The following APP variants were observed in gnomAD, a reference collection of about 807,000 sequenced individuals.
APP encodes the protein amyloid-beta precursor protein.
APP carries 31 observed loss-of-function variants against 101.4 expected under a neutral mutation model. The ratio of observed to expected loss-of-function variants is 0.31; its 90% CI spans 0.23 to 0.41. The LOEUF (loss-of-function observed/expected upper bound fraction) is 0.41, where lower values mean the gene tolerates loss of function less well. Among genes scored for constraint, APP ranks in the 10% least tolerant of loss-of-function variants. The pLI is 1.00. For synonymous variants in APP, 366 were observed against 364.4 expected, an observed-to-expected ratio of 1.00 and a Z score of -0.05; for missense variants, 839 against 1,003.7, an observed-to-expected ratio of 0.84 and a Z score of 2.22.
chr21:26,117,421 A>G (rs2062459168), intron 1 of APP, among the ~76,000 whole-genome samples: 1 of 152,246 alleles, frequency 6.6e-6, no homozygotes, highest in Non-Finnish European at 1.5e-5. Flanking sequence ...AAATGCCAAA[A>G]AAGTATTTCC....
At chr21:26,152,778 A>T (rs1282481945) in intron 1 of APP, among the ~76,000 whole-genome samples, 1 of 152,202 alleles carries the variant, frequency 6.6e-6, no homozygotes, top group Admixed American at 6.5e-5. Flanking sequence ...TTGATCCAGC[A>T]ATCTTAATAC....
At chr21:26,151,132 A>G (rs2063260698) in intron 1 of APP, among the ~76,000 whole-genome samples, 1 of 152,196 alleles carries the variant, frequency 6.6e-6, no homozygotes, top group Non-Finnish European at 1.5e-5. Context: ...AAAGATTCTT[A>G]TATCTTTGGA....
intron 16 of APP, among the ~76,000 whole-genome samples, chr21:25,896,466 CTT>C (rs1216016222): frequency 2.0e-5 from 3 of 151,924 alleles, no homozygotes; most frequent in Non-Finnish European, 2.9e-5. Flanking sequence ...CCTGAGATAA[CTT>C]TAAGTATTAT....
At chr21:26,023,373 T>TAAAAAA (rs35579863) in intron 5 of APP, among the ~76,000 whole-genome samples, 36 of 109,798 alleles carry the variant, frequency 3.3e-4, no homozygotes, top group African/African-American at 1.2e-3. Flanking sequence ...CCAAAAAAAT[T>TAAAAAA]AAAAAAAAAA....
chr21:25,979,263 T>TA (rs1333703109), intron 9 of APP, among the ~76,000 whole-genome samples: 1 of 152,198 alleles, frequency 6.6e-6, no homozygotes, highest in African/African-American at 2.4e-5. Flanking sequence ...AAACTTAATT[T>TA]AAAAAACCGC....
chr21:26,135,140 A>G (rs1293400534), intron 1 of APP, among the ~76,000 whole-genome samples: 2 of 152,216 alleles, frequency 1.3e-5, no homozygotes, highest in Non-Finnish European at 1.5e-5. Context: ...CCTTCTTACA[A>G]TTATGCTCTG....
intron 14 of APP, among the ~76,000 whole-genome samples, chr21:25,908,227 G>A (rs1879634679): frequency 1.3e-5 from 2 of 152,178 alleles, no homozygotes; most frequent in Admixed American, 1.3e-4. Context: ...ATTCATTTAG[G>A]TTTTGTGGAT....
At chr21:26,020,165 G>C (rs143141263) in intron 6 of APP, among the ~76,000 whole-genome samples, 210 of 152,256 alleles carry the variant, frequency 1.4e-3, no homozygotes, top group African/African-American at 5.0e-3. Context: ...TGTGTTAAGT[G>C]AAAGAAGTCG....
rs1297242018 is a variant in APP at position 26,021,570 on chromosome 21, C to G, written c.865+270G>C. The stretch of plus-strand genomic sequence containing the variant: ...CAGTGTTTGTCAAATTAGATGACTA[C>G]CTGGTTGGGCGGAGTCTTGTAGAAT... On this transcript the variant is annotated intron_variant, in intron 6 of 17. Coordinates refer to ENST00000346798, the MANE Select transcript of APP (RefSeq NM_000484.4). Among the ~76,000 whole-genome samples, 7 of 152,110 alleles carry G rather than the reference C, an allele frequency of 4.6e-5. No individual in the cohort carries two copies. The East Asian group carries it at 5.8e-4, about 13-fold the overall frequency.
At chr21:26,009,125 T>C (rs929945172) in intron 6 of APP, among the ~76,000 whole-genome samples, 2 of 152,202 alleles carry the variant, frequency 1.3e-5, no homozygotes, top group Admixed American at 1.3e-4. Context: ...TGTCAAAACG[T>C]GAGACATAAG....
At chr21:26,064,065 A>G (rs2046368605) in intron 3 of APP, among the ~76,000 whole-genome samples, 1 of 152,214 alleles carries the variant, frequency 6.6e-6, no homozygotes, top group African/African-American at 2.4e-5. Flanking sequence ...CCTACAAATT[A>G]TCTGACCAAT....
chr21:26,055,856 CGACCTT>C (rs149064454), intron 3 of APP, among the ~76,000 whole-genome samples: 7,416 of 152,218 alleles, frequency 0.049, 248 homozygotes, highest in South Asian at 0.094. Flanking sequence ...CAGATACACT[CGACCTT>C]GGCCTGCAAG....
chr21:26,100,764 T>C (rs2062037341), intron 2 of APP, among the ~76,000 whole-genome samples: 1 of 152,166 alleles, frequency 6.6e-6, no homozygotes. Context: ...CAACTGTTCA[T>C]TTAAAGCCAG....
chr21:25,942,565 C>T (rs1260561998), intron 13 of APP: 2 of 152,078 alleles, frequency 1.3e-5, no homozygotes, highest in African/African-American at 4.8e-5. Flanking sequence ...CCAAAGTCTC[C>T]CCAAGCAAAT....
At chr21:25,901,027 A>AGT (rs1174255594) in intron 15 of APP, among the ~76,000 whole-genome samples, 1 of 90,540 alleles carries the variant, frequency 1.1e-5, no homozygotes, top group African/African-American at 5.8e-5. Context: ...GGCCAGGTGC[A>AGT]GTGACTCATG....
At chr21:26,145,776 T>C (rs1181567615) in intron 1 of APP, among the ~76,000 whole-genome samples, 1 of 152,216 alleles carries the variant, frequency 6.6e-6, no homozygotes, top group Non-Finnish European at 1.5e-5. Flanking sequence ...CTGTTTTTTA[T>C]ATAAATTACT....
intron 1 of APP, among the ~76,000 whole-genome samples, chr21:26,120,123 C>A (rs2062533406): frequency 6.6e-6 from 1 of 152,152 alleles, no homozygotes; most frequent in African/African-American, 2.4e-5. Flanking sequence ...GGTTATTGTT[C>A]TAAGCCACTA....
At chr21:26,069,417 T>A (rs2046587473) in intron 3 of APP, among the ~76,000 whole-genome samples, 1 of 152,144 alleles carries the variant, frequency 6.6e-6, no homozygotes, top group Non-Finnish European at 1.5e-5. Flanking sequence ...TTCATCATGA[T>A]CCTGAGGTCC....
intron 11 of APP, among the ~76,000 whole-genome samples, chr21:25,961,653 A>G (rs2041585596): frequency 1.3e-5 from 2 of 152,186 alleles, no homozygotes; most frequent in African/African-American, 4.8e-5. Flanking sequence ...CTGATTGTCT[A>G]GTGAGGTTTA....
Sources: gnomAD v4.1 joint callset for allele counts (sites outside exome capture counted in the v4.1 genomes callset) on GRCh38, gnomAD v4.1.1 for gene constraint, MANE v1.5 for transcripts, NCBI Gene and HGNC (gene_info 2026-07-23, HGNC 2026-07-21) for gene names.